The following ADGRL2 variants were observed in gnomAD, a reference collection of about 807,000 sequenced individuals.
ADGRL2 encodes adhesion G protein-coupled receptor L2, also known as calcium-independent alpha-latrotoxin receptor 2.
In ADGRL2, 44 loss-of-function variants were observed where a neutral mutation model predicts 157.4. That is an observed-to-expected ratio of 0.28 (90% confidence interval 0.22 to 0.36). ADGRL2 has a LOEUF of 0.36. Among genes scored for constraint, ADGRL2 ranks in the 10% least tolerant of loss-of-function variants. The pLI is 1.00. For missense variants in ADGRL2, 1,510 were observed against 1,768.9 expected (o/e 0.85, Z 2.63); for synonymous variants, 585 against 624.7 (o/e 0.94, Z 0.95).
At chr1:81,388,038 G>A (rs2076468499) in intron 1 of ADGRL2, among the ~76,000 whole-genome samples, 1 of 152,130 alleles carries the variant, frequency 6.6e-6, no homozygotes, top group East Asian at 1.9e-4. Context: ...TTCTAAAAAC[G>A]TGTGAGGTGG....
intron 3 of ADGRL2, among the ~76,000 whole-genome samples, chr1:81,648,070 G>A (rs1339626020): frequency 1.3e-5 from 2 of 152,198 alleles, no homozygotes; most frequent in African/African-American, 2.4e-5. Context: ...GATGATAGGA[G>A]CAGCTGATAA....
Position 81,943,040 on chromosome 1 carries a change from G to A in ADGRL2, c.481G>A (p.Gly161Ser), listed in dbSNP as rs1168327055. The A allele has an allele frequency of 6.2e-7, 1 of 1,613,278 alleles. No homozygotes were observed. Among genetic ancestry groups the A allele is most frequent in the Non-Finnish European group, 8.5e-7 (1 of 1,179,466 alleles). ...TATATATGAAGCTGAACAAAAGGCG[G>A]GTGCTTGGTGCAAGGACCCTCTTCA... ...PCIYEAEQKA[G>S]AWCKDPLQAA... Residue 161 changes from glycine to serine, a missense_variant, in exon 6 of 24, where the codon GGT becomes AGT. Gly to Ser is a moderately conservative substitution (Grantham distance 56). Coordinates refer to ENST00000686636, the MANE Select transcript of ADGRL2 (RefSeq NM_001366006.2). This position sits in a 1 kb window ranked among gnomAD's most constrained non-coding sequence, Gnocchi z 5.6.
chr1:81,724,496 C>T (rs1395387793), intron 1 of ADGRL2, among the ~76,000 whole-genome samples: 1 of 152,098 alleles, frequency 6.6e-6, no homozygotes, highest in African/African-American at 2.4e-5. Context: ...GTATTCAGCT[C>T]TTCCTTAAAT....
At chr1:81,903,420 A>G (rs1448329998) in intron 2 of ADGRL2, among the ~76,000 whole-genome samples, 1 of 152,092 alleles carries the variant, frequency 6.6e-6, no homozygotes, top group African/African-American at 2.4e-5. Context: ...TGGCTTGAGT[A>G]GTCAGAGTTG....
upstream of ADGRL2, among the ~76,000 whole-genome samples, chr1:81,696,506 A>G (rs536869492): frequency 1.1e-4 from 16 of 152,192 alleles, no homozygotes; most frequent in Admixed American, 1.0e-3. Flanking sequence ...TAATCCCAGC[A>G]CTTTGGGAGG....
At chr1:81,722,137 T>TA in intron 1 of ADGRL2, 1 of 357,924 alleles carries the variant, frequency 2.8e-6, no homozygotes, top group East Asian at 7.2e-5. Context: ...CTAAAAAATA[T>TA]AAAAAATTAG....
At position 81,465,475 on chromosome 1, in the gene ADGRL2, G is replaced by A. The variant is rs181129755; in HGVS notation, c.-248+20386G>A. ...TTTAATTTCGTTCCATGTTTAGAAG[G>A]GGAAAAATGATCTCCATTCAGAAAG... On this transcript the variant is annotated intron_variant, in intron 2 of 24. Transcript: ENST00000370721. Among the ~76,000 whole-genome samples the A allele has an allele frequency of 3.7e-4, 56 of 151,976 alleles. No homozygotes were observed. The East Asian group carries it at 6.2e-3, about 17-fold the overall frequency.
At chr1:81,571,852 G>A (rs950449521) in intron 2 of ADGRL2, among the ~76,000 whole-genome samples, 4 of 152,060 alleles carry the variant, frequency 2.6e-5, no homozygotes, top group Non-Finnish European at 4.4e-5. Flanking sequence ...ATAGGCACTC[G>A]ACACATATTT....
At chr1:81,655,006 T>C (rs1479651221) in intron 3 of ADGRL2, among the ~76,000 whole-genome samples, 1 of 152,160 alleles carries the variant, frequency 6.6e-6, no homozygotes, top group Non-Finnish European at 1.5e-5. Flanking sequence ...TGGAGTGCAG[T>C]GGCGTGATCT....
intron 3 of ADGRL2, among the ~76,000 whole-genome samples, chr1:81,691,907 T>A (rs920386845): frequency 6.7e-6 from 1 of 148,832 alleles, no homozygotes; most frequent in African/African-American, 2.5e-5. Flanking sequence ...TATGTGTATA[T>A]AGATATATGT....
At chr1:81,399,594 T>C (rs115756672) in intron 1 of ADGRL2, among the ~76,000 whole-genome samples, 2,238 of 152,272 alleles carry the variant, frequency 0.015, 47 homozygotes, top group African/African-American at 0.046. Flanking sequence ...TATTTTTTAT[T>C]TCATTCACTG....
chr1:81,616,603 T>C (rs1442666345), intron 3 of ADGRL2, among the ~76,000 whole-genome samples: 1 of 151,918 alleles, frequency 6.6e-6, no homozygotes, highest in Non-Finnish European at 1.5e-5. Flanking sequence ...TCACTTTCCA[T>C]CTGAGGCTAC....
chr1:81,562,779 T>C (rs1262952010), intron 2 of ADGRL2, among the ~76,000 whole-genome samples: 1 of 152,146 alleles, frequency 6.6e-6, no homozygotes, highest in Admixed American at 6.5e-5. Context: ...AGAATTGCTT[T>C]CCCTATTTTG....
intron 1 of ADGRL2, among the ~76,000 whole-genome samples, chr1:81,392,227 CA>C (rs35544082): frequency 5.4e-5 from 8 of 147,146 alleles, no homozygotes; most frequent in South Asian, 2.1e-4. Context: ...CCCATCCCCA[CA>C]AAAAAAAAAA....
chr1:81,375,977 G>A (rs547654614), intron 1 of ADGRL2, among the ~76,000 whole-genome samples: 1 of 151,866 alleles, frequency 6.6e-6, no homozygotes, highest in East Asian at 1.9e-4. Context: ...TAAAATTAAT[G>A]AATTCAATTT....
chr1:81,786,553 G>A (rs1252819492), intron 2 of ADGRL2, among the ~76,000 whole-genome samples: 1 of 152,352 alleles, frequency 6.6e-6, no homozygotes, highest in East Asian at 1.9e-4. Flanking sequence ...TCCAGCCTGG[G>A]TGACAGAGTG....
At chr1:81,864,271 T>C (rs965548791) in intron 2 of ADGRL2, among the ~76,000 whole-genome samples, 2 of 150,698 alleles carry the variant, frequency 1.3e-5, no homozygotes, top group African/African-American at 4.9e-5. Flanking sequence ...TTTTTTTAAA[T>C]GGGGAATTAA....
At chr1:81,306,708 C>A (rs1659360623) in intron 1 of ADGRL2, among the ~76,000 whole-genome samples, 1 of 152,122 alleles carries the variant, frequency 6.6e-6, no homozygotes, top group Admixed American at 6.6e-5. Flanking sequence ...TTCCCTGCAG[C>A]AAGCTTCAGT....
chr1:81,506,731 A>ACAAAC (rs2078982882), intron 2 of ADGRL2, among the ~76,000 whole-genome samples: 1 of 150,260 alleles, frequency 6.7e-6, no homozygotes, highest in South Asian at 2.1e-4. Context: ...ACAAAACAAA[A>ACAAAC]CAAAACAAAA....
Sources: allele counts gnomAD v4.1 joint callset (sites outside exome capture counted in the v4.1 genomes callset), GRCh38; gene constraint gnomAD v4.1.1; non-coding constraint Gnocchi (gnomAD v3.1); transcripts MANE v1.5; gene names NCBI Gene and HGNC (gene_info 2026-07-23, HGNC 2026-07-21).